TUBB4A: variants seen among roughly 807,000 people sequenced by gnomAD.
TUBB4A encodes tubulin beta-4A chain.
A neutral mutation model predicts 35.1 loss-of-function variants in TUBB4A; 13 were observed. That is an observed-to-expected ratio of 0.37 (90% confidence interval 0.24 to 0.59). The LOEUF (loss-of-function observed/expected upper bound fraction) is 0.59, where lower values mean the gene tolerates loss of function less well. TUBB4A is among the 20% of genes least tolerant of loss of function. The probability of loss-of-function intolerance (pLI) is 0.71; values close to 1 mark genes in which losing one functional copy is unlikely to be tolerated. For synonymous variants in TUBB4A, 279 were observed against 272.4 expected (o/e 1.02, Z -0.24); for missense variants, 299 against 647.2 (o/e 0.46, Z 5.84).
rs1276988164 is a variant in TUBB4A at position 6,495,034 on chromosome 19, A to G, written c.*130T>C. The stretch of plus-strand genomic sequence containing the variant: ...GTAGCCAGAGGTAAAGCGAGCTCCA[A>G]AGGTATTGTTAGGGTCAGCGGGGAG... On this transcript the variant is annotated 3_prime_UTR_variant, in exon 4 of 4. Transcript: ENST00000264071. The surrounding 1 kb of genome is among the most constrained non-coding windows in gnomAD (Gnocchi z 8.7). 8.1e-6 allele frequency: 9 copies of G among 1,115,854 alleles called. No individual in the cohort carries two copies. The highest frequency in any genetic ancestry group is 1.1e-5 in the Non-Finnish European group (9 of 785,900). The allele number at this position is 1,115,854 out of a possible 1,614,324, so 69.1% of individuals were successfully genotyped here.
At chr19:6,500,070 T>C (rs776981943) in intron 3 of TUBB4A, among the ~76,000 whole-genome samples, 1 of 151,708 alleles carries the variant, frequency 6.6e-6, no homozygotes, top group African/African-American at 2.4e-5. Flanking sequence ...GGATTACAGG[T>C]GTGAGCCACC....
intron 3 of TUBB4A, among the ~76,000 whole-genome samples, chr19:6,499,037 G>A (rs1914406195): frequency 6.6e-6 from 1 of 152,038 alleles, no homozygotes; most frequent in African/African-American, 2.4e-5. Context: ...TAAAAGTGTG[G>A]GCTCAGACCA....
chr19:6,495,862 G>A lies in TUBB4A; in HGVS notation c.637C>T (p.Arg213Cys), dbSNP rs748510977. The A allele has an allele frequency of 2.5e-6, 4 of 1,614,222 alleles. No individual in the cohort carries two copies. Among genetic ancestry groups the A allele is most frequent in the Admixed American group, 1.7e-5 (1 of 60,022 alleles). Residue 213 changes from arginine to cysteine, a missense_variant, in exon 4 of 4, where the codon CGC (arginine) becomes TGC (cysteine). Arg to Cys is a radical substitution (Grantham distance 180). Around this residue, in one of 5 missense-constraint regions of TUBB4A, gnomAD observed 51 missense variants for 100.3 expected, o/e 0.51. Coordinates refer to ENST00000264071, the MANE Select transcript of TUBB4A (RefSeq NM_006087.4). The surrounding 1 kb of genome is among the most constrained non-coding windows in gnomAD (Gnocchi z 8.7). ...GTGGGGGTGGTCAGCTTGAGGGTGC[G>A]GAAACAGATGTCGTAGAGTGCCTCG... ...DNEALYDICFRTLKLTTPTYG... is the reference protein window; with the variant it reads ...DNEALYDICFCTLKLTTPTYG...
In TUBB4A at chr19:6,501,731, A is replaced by C; in HGVS notation, c.58-108T>G. On this transcript the variant is annotated intron_variant, in intron 1 of 3. Transcript: ENST00000264071. The surrounding 1 kb of genome is among the most constrained non-coding windows in gnomAD (Gnocchi z 4.2). ...CCCTAGCTGCCACCTCTCCCCCAGC[A>C]AGGTGAACGGGGGACCTAGAGGCAT... 1.2e-6 allele frequency: 1 copy of C among 868,848 alleles called. No homozygotes were observed. The highest frequency in any genetic ancestry group is 1.8e-6 in the Non-Finnish European group (1 of 544,402). 53.8% of individuals were successfully genotyped at this position (868,848 alleles called of 1,614,324 possible).
At position 6,501,191 on chromosome 19, in the gene TUBB4A, C is replaced by T; in HGVS notation, c.277+96G>A. On this transcript the variant is annotated intron_variant, in intron 3 of 3. Coordinates refer to ENST00000264071, the MANE Select transcript of TUBB4A (RefSeq NM_006087.4). This position sits in a 1 kb window ranked among gnomAD's most constrained non-coding sequence, Gnocchi z 4.2. Reference sequence around the variant, plus strand: ...GTGCCTGGTGCCCTGTCCACCCCATCTCTGGTCTGTGGGCCCCGGTGGTGG... The same window carrying T: ...GTGCCTGGTGCCCTGTCCACCCCATTTCTGGTCTGTGGGCCCCGGTGGTGG... 4 of 1,035,004 alleles carry T rather than the reference C, an allele frequency of 3.9e-6. No individual in the cohort carries two copies. Among genetic ancestry groups the T allele is most frequent in the Non-Finnish European group, 5.7e-6 (4 of 701,534 alleles). 64.1% of individuals were successfully genotyped at this position (1,035,004 alleles called of 1,614,324 possible).
chr19:6,501,270 C>T lies in TUBB4A; in HGVS notation c.277+17G>A, dbSNP rs372132560. On this transcript the variant is annotated intron_variant, in intron 3 of 3. Coordinates refer to ENST00000264071, the MANE Select transcript of TUBB4A (RefSeq NM_006087.4). The surrounding 1 kb of genome is among the most constrained non-coding windows in gnomAD (Gnocchi z 4.2). ...AAGGAGGTTTTCCAGCCTCTGGCTC[C>T]CTGCTGGGGGACTCACCAAACACGA... 6.2e-7 allele frequency: 1 copy of T among 1,607,580 alleles called. No homozygotes were observed. The highest frequency in any genetic ancestry group is 1.3e-5 in the African/African-American group (1 of 74,718).
chr19:6,498,925 A>G (rs1019572684), intron 3 of TUBB4A, among the ~76,000 whole-genome samples: 4 of 152,188 alleles, frequency 2.6e-5, no homozygotes, highest in African/African-American at 9.7e-5. Flanking sequence ...AGATGAAATG[A>G]GATTGGCCAA....
rs190171145 is a variant in TUBB4A at position 6,496,974 on chromosome 19, C to A, written c.278-753G>T. Reference sequence around the variant, plus strand: ...GCAGTTCAAGACTAGCCTGGGCAACCTAGTGAGGCCATGTCTCTACAAAAA... The same window carrying A: ...GCAGTTCAAGACTAGCCTGGGCAACATAGTGAGGCCATGTCTCTACAAAAA... On this transcript the variant is annotated intron_variant, in intron 3 of 3. Transcript: ENST00000264071. Among the ~76,000 whole-genome samples the A allele has an allele frequency of 9.4e-3, 992 of 105,442 alleles. 23 individuals carry two copies. Among genetic ancestry groups the A allele is most frequent in the African/African-American group, 0.032 (858 of 26,892 alleles). 69.2% of individuals were successfully genotyped at this position (105,442 alleles called of 152,430 possible).
At chr19:6,502,071 C>T in intron 1 of TUBB4A, 85 bp downstream of exon 1, 4 of 1,417,004 alleles carry the variant, frequency 2.8e-6, no homozygotes, top group Non-Finnish European at 3.7e-6. Flanking sequence ...TCCAAAGACT[C>T]CCAGGTTGCG....
intron 3 of TUBB4A, among the ~76,000 whole-genome samples, chr19:6,496,725 G>A (rs977785109): frequency 4.0e-5 from 6 of 150,118 alleles, no homozygotes; most frequent in African/African-American, 1.5e-4. Flanking sequence ...GGAGGCTGAG[G>A]CAAGAGAATT....
chr19:6,497,223 A>C (rs566712269), intron 3 of TUBB4A, among the ~76,000 whole-genome samples: 4 of 149,814 alleles, frequency 2.7e-5, no homozygotes, highest in African/African-American at 9.8e-5. Flanking sequence ...AAAACAAATA[A>C]ATAATAACAA....
At chr19:6,496,886 A>T (rs186859103) in intron 3 of TUBB4A, among the ~76,000 whole-genome samples, 2 of 141,874 alleles carry the variant, frequency 1.4e-5, no homozygotes, top group South Asian at 4.7e-4. Flanking sequence ...GACTGGGCAC[A>T]GTGGCTCATG....
At position 6,495,212 on chromosome 19, in the gene TUBB4A, C is replaced by T. The variant is rs61731566; in HGVS notation, c.1287G>A (p.Thr429=). The change falls in exon 4 of 4, where the codon ACG becomes ACA. Residue 429 remains threonine, a synonymous_variant. Coordinates refer to ENST00000264071, the MANE Select transcript of TUBB4A (RefSeq NM_006087.4). The surrounding 1 kb of genome is among the most constrained non-coding windows in gnomAD (Gnocchi z 8.7). ...VSEYQQYQDA[T]AEEGEFEEEA... ...CCTCCTCGAACTCGCCCTCCTCGGCCGTGGCGTCCTGGTACTGCTGGTACT... is the reference window on the plus strand; with the variant it reads ...CCTCCTCGAACTCGCCCTCCTCGGCTGTGGCGTCCTGGTACTGCTGGTACT... The T allele has an allele frequency of 0.022, 35,381 of 1,613,922 alleles. 437 individuals carry two copies. The highest frequency in any genetic ancestry group is 0.025 in the Non-Finnish European group (29,850 of 1,179,856).
Position 6,496,040 on chromosome 19 carries a change from AC to A in TUBB4A, c.458del (p.Ser153IlefsTer12), listed in dbSNP as rs1914159192. 6.2e-7 allele frequency: 1 copy of A among 1,614,058 alleles called. No homozygotes were observed. The highest frequency in any genetic ancestry group is 8.5e-7 in the Non-Finnish European group (1 of 1,180,032). ...TGSGMGTLLI[S>X]KIREEFPDRI... ...GGTCTGGGAACTCCTCGCGGATCTT[AC>A]TGATGAGCAGCGTGCCCATTCCGGA... On this transcript the variant is annotated frameshift_variant, in exon 4 of 4. Transcript: ENST00000264071. LOFTEE classifies it high-confidence loss of function.
At chr19:6,497,689 TTAGGGAGGCC>T (rs1914312885) in intron 3 of TUBB4A, among the ~76,000 whole-genome samples, 1 of 151,324 alleles carries the variant, frequency 6.6e-6, no homozygotes, top group African/African-American at 2.4e-5. Flanking sequence ...AATCCAGCAC[TTAGGGAGGCC>T]GAGGCGGGCA....
At chr19:6,497,023 AAATATATATATATATATATATATATATAT>A (rs1568410503) in intron 3 of TUBB4A, among the ~76,000 whole-genome samples, 3 of 29,726 alleles carry the variant, frequency 1.0e-4, no homozygotes, top group South Asian at 1.4e-3. Flanking sequence ...AAAAAAAAAA[AAATATATATATATATATATATATATATAT>A]ATATATATAT....
chr19:6,502,049 A>C, intron 1 of TUBB4A, 107 bp downstream of exon 1: 4 of 1,240,520 alleles, frequency 3.2e-6, no homozygotes, highest in African/African-American at 1.6e-5. Flanking sequence ...CCTCCTGGGG[A>C]CCTCATTCCT....
chr19:6,499,798 ATTT>A lies in TUBB4A; in HGVS notation c.277+1486_277+1488del, dbSNP rs555937850. On this transcript the variant is annotated intron_variant, in intron 3 of 3. Transcript: ENST00000264071. ...CATATTCATGACTTTAAGCTTCACA[ATTT>A]TTTTTTTTTTTTGGAGACGAAGTTT... 4.9e-5 allele frequency among the ~76,000 whole-genome samples: 7 copies of A among 143,758 alleles called. No homozygotes were observed. In the South Asian group the frequency reaches 1.1e-3, roughly 23 times the overall value. 94.3% of individuals were successfully genotyped at this position (143,758 alleles called of 152,430 possible). A position where few individuals can be genotyped will look rare whatever the true frequency, so the allele number is the denominator to read the frequency against.
chr19:6,498,466 A>G (rs1464889322), intron 3 of TUBB4A, among the ~76,000 whole-genome samples: 2 of 151,944 alleles, frequency 1.3e-5, no homozygotes, highest in Non-Finnish European at 2.9e-5. Context: ...ACAGCCCTCC[A>G]TGGCTCCCAC....
Sources: gnomAD v4.1 joint callset for allele counts (sites outside exome capture counted in the v4.1 genomes callset) on GRCh38, gnomAD v4.1.1 for gene constraint, gnomAD v4.1.1 regional missense constraint, Gnocchi (gnomAD v3.1) non-coding constraint, MANE v1.5 for transcripts, NCBI Gene and HGNC (gene_info 2026-07-23, HGNC 2026-07-21) for gene names.